IQSEC3: variants seen among roughly 807,000 people sequenced by gnomAD.
IQSEC3 encodes the protein IQ motif and SEC7 domain-containing protein 3.
IQSEC3 carries 50 observed loss-of-function variants against 105.4 expected under a neutral mutation model. The observed-to-expected ratio is 0.47, with a 90% CI of 0.38 to 0.60. The LOEUF (loss-of-function observed/expected upper bound fraction) is 0.60. Among genes scored for constraint, IQSEC3 ranks in the 20% least tolerant of loss-of-function variants. The pLI, the probability that IQSEC3 is intolerant of heterozygous loss-of-function variation, is 0.00. For synonymous variants in IQSEC3, 708 were observed against 746.0 expected, an observed-to-expected ratio of 0.95 and a Z score of 0.83; for missense variants, 1,415 against 1,630.0, an observed-to-expected ratio of 0.87 and a Z score of 2.27.
Position 146,741 on chromosome 12 carries a change from T to G in IQSEC3, c.2153+5456T>G, listed in dbSNP as rs180759166. Reference sequence around the variant, plus strand: ...GAGGGAGGAGGAAGAAAGAGAGAGATAGATAGAGAGAGACAGAGACCCAGT... The same window carrying G: ...GAGGGAGGAGGAAGAAAGAGAGAGAGAGATAGAGAGAGACAGAGACCCAGT... On this transcript the variant is annotated intron_variant, in intron 5 of 13. Coordinates refer to ENST00000538872, the MANE Select transcript of IQSEC3 (RefSeq NM_001170738.2). Among the ~76,000 whole-genome samples, 244 of 150,670 alleles carry G rather than the reference T, an allele frequency of 1.6e-3. 1 individual carries two copies. Among genetic ancestry groups the G allele is most frequent in the African/African-American group, 5.2e-3 (212 of 41,020 alleles).
At chr12:172,191 C>T (rs782232710) in intron 13 of IQSEC3, among the ~76,000 whole-genome samples, 4 of 152,226 alleles carry the variant, frequency 2.6e-5, no homozygotes, top group South Asian at 4.1e-4. Flanking sequence ...CAGGATACCC[C>T]GGGGGAGCTC....
At chr12:165,586 T>C (rs1254322919) in intron 10 of IQSEC3, 53 bp downstream of exon 10, 4 of 1,546,876 alleles carry the variant, frequency 2.6e-6, no homozygotes, top group Non-Finnish European at 3.6e-6. Context: ...ATGGATGAAA[T>C]GGCTGGGGCG....
At chr12:108,799 C>T (rs1163666379) in intron 2 of IQSEC3, among the ~76,000 whole-genome samples, 1 of 152,242 alleles carries the variant, frequency 6.6e-6, no homozygotes, top group African/African-American at 2.4e-5. Context: ...CCTGTGGTGC[C>T]TTCCCTGATG....
chr12:110,094 C>CT, intron 2 of IQSEC3, among the ~76,000 whole-genome samples: 1 of 152,350 alleles, frequency 6.6e-6, no homozygotes, highest in East Asian at 1.9e-4. Flanking sequence ...CAGCTTAACT[C>CT]TTTCTCTCTC....
intron 1 of IQSEC3, among the ~76,000 whole-genome samples, chr12:70,895 G>A (rs559258745): frequency 1.5e-3 from 230 of 152,368 alleles, no homozygotes; most frequent in African/African-American, 5.1e-3. Flanking sequence ...TCTTCTCTCT[G>A]TTACATTGCT....
chr12:160,997 T>C (rs546595569), intron 7 of IQSEC3, among the ~76,000 whole-genome samples: 1 of 152,156 alleles, frequency 6.6e-6, no homozygotes, highest in Non-Finnish European at 1.5e-5. Flanking sequence ...CTCCTTGGTT[T>C]TTCTCACCCG....
Position 138,976 on chromosome 12 carries a change from C to G in IQSEC3, c.1613C>G (p.Pro538Arg), listed in dbSNP as rs1865898020. ...EQGETSGREA[P>R]EAPAVGREDA... ...GGCGAGACCTCTGGGCGGGAGGCCC[C>G]GGAAGCCCCCGCCGTGGGCCGGGAG... is the stretch of plus-strand genomic sequence containing the variant. Residue 538 changes from proline to arginine, a missense_variant, in exon 4 of 14, where the codon CCG becomes CGG. Physicochemically the swap from Pro to Arg is moderately radical, Grantham distance 103. This residue lies in a region of IQSEC3 where 720 missense variants were observed against 633.0 expected (regional missense o/e 1.14). Coordinates refer to ENST00000538872, the MANE Select transcript of IQSEC3 (RefSeq NM_001170738.2). This position sits in a 1 kb window ranked among gnomAD's most constrained non-coding sequence, Gnocchi z 7.1. The G allele has an allele frequency of 1.3e-6, 2 of 1,538,632 alleles. No homozygotes were observed. The highest frequency in any genetic ancestry group is 1.4e-5 in the African/African-American group (1 of 73,070).
chr12:94,782 C>G (rs1371035817), intron 1 of IQSEC3, among the ~76,000 whole-genome samples: 1 of 152,248 alleles, frequency 6.6e-6, no homozygotes, highest in Non-Finnish European at 1.5e-5. Context: ...AGGATCAGAA[C>G]AGAGTCCCCC....
chr12:83,469 G>T (rs1254303599), intron 1 of IQSEC3, among the ~76,000 whole-genome samples: 4 of 152,040 alleles, frequency 2.6e-5, no homozygotes, highest in African/African-American at 9.7e-5. Context: ...CTCACTTAGG[G>T]GGTGGCATCT....
chr12:99,566 G>A (rs1375594033), intron 2 of IQSEC3, among the ~76,000 whole-genome samples: 1 of 152,238 alleles, frequency 6.6e-6, no homozygotes, highest in Non-Finnish European at 1.5e-5. Flanking sequence ...ACACAGTGGT[G>A]TGCGCTCAGC....
intron 2 of IQSEC3, among the ~76,000 whole-genome samples, chr12:107,741 A>G (rs570046866): frequency 6.6e-6 from 1 of 151,808 alleles, no homozygotes; most frequent in South Asian, 2.1e-4. Context: ...CTTTTTGTTT[A>G]TTCTCTGGCA....
Position 157,138 on chromosome 12 carries a change from A to T in IQSEC3, c.2267A>T (p.Glu756Val). Reference protein sequence around the residue: ...GEAQKVERLIEAFSQRYCMCN... With the variant: ...GEAQKVERLIVAFSQRYCMCN... ...GCTCAGAAGGTGGAGCGGCTCATTGAGGCCTTCAGGTAAGGCCGCTTCCCA... is the reference window on the plus strand; with the variant it reads ...GCTCAGAAGGTGGAGCGGCTCATTGTGGCCTTCAGGTAAGGCCGCTTCCCA... Residue 756 changes from glutamate to valine, a missense_variant, in exon 6 of 14, where the codon GAG (glutamate) becomes GTG (valine). This residue lies in a region of IQSEC3 where 213 missense variants were observed against 306.2 expected (regional missense o/e 0.70). Coordinates refer to ENST00000538872, the MANE Select transcript of IQSEC3 (RefSeq NM_001170738.2). 1 of 1,585,414 alleles carries T rather than the reference A, an allele frequency of 6.3e-7. No homozygotes were observed. Among genetic ancestry groups the T allele is most frequent in the Non-Finnish European group, 8.6e-7 (1 of 1,165,756 alleles).
In IQSEC3 at chr12:175,002, G is replaced by A. The variant is rs780720076; in HGVS notation, c.3518G>A (p.Arg1173His). The change falls in exon 14 of 14, where the codon CGC becomes CAC. Residue 1173 changes from arginine (R) to histidine (H), a missense_variant. Transcript: ENST00000538872. ...CPPGSLLHGH[R>H]YSSGSRSLV ...CCAGGCTCCCTGCTGCACGGGCACC[G>A]CTACTCCAGTGGCTCAAGGAGCCTG... The A allele has an allele frequency of 1.9e-5, 26 of 1,358,000 alleles. No individual in the cohort carries two copies. The highest frequency in any genetic ancestry group is 2.9e-4 in the Middle Eastern group (1 of 3,502). The allele number at this position is 1,358,000 out of a possible 1,614,324, so 84.1% of individuals were successfully genotyped here.
intron 1 of IQSEC3, among the ~76,000 whole-genome samples, chr12:76,198 G>T (rs1353204415): frequency 1.3e-5 from 2 of 152,218 alleles, no homozygotes; most frequent in African/African-American, 4.8e-5. Context: ...AAGGAGGCTG[G>T]CATTGTGGCC....
intron 3 of IQSEC3, among the ~76,000 whole-genome samples, chr12:130,404 A>G (rs1204763654): frequency 6.6e-6 from 1 of 152,234 alleles, no homozygotes; most frequent in Non-Finnish European, 1.5e-5. Context: ...AACTTGCCCA[A>G]GGACACAGTC....
intron 13 of IQSEC3, 49 bp downstream of exon 13, chr12:171,210 T>C (rs782595293): frequency 1.2e-6 from 2 of 1,612,976 alleles, no homozygotes; most frequent in Non-Finnish European, 8.5e-7. Flanking sequence ...TGCCCCCTTG[T>C]TCTTCTTCTC....
rs1306701539 is a variant in IQSEC3, at chr12:141,425, C to T, written c.2153+140C>T. The T allele has an allele frequency of 1.2e-5, 11 of 890,368 alleles. 1 individual carries two copies. In the Admixed American group the frequency reaches 1.8e-4, roughly 14 times the overall value. 55.2% of individuals were successfully genotyped at this position (890,368 alleles called of 1,614,324 possible). On this transcript the variant is annotated intron_variant, in intron 5 of 13. Transcript: ENST00000538872. The stretch of plus-strand genomic sequence containing the variant: ...CCAGATTGTCCACAGGAACCAGAAT[C>T]CCCTCTTTAGCCCATCACCCCAGTG...
chr12:117,127 G>A (rs782046899), intron 2 of IQSEC3, among the ~76,000 whole-genome samples: 2 of 152,162 alleles, frequency 1.3e-5, no homozygotes, highest in Non-Finnish European at 2.9e-5. Flanking sequence ...TGAAGAGGCC[G>A]TGGTTCTGCA....
intron 5 of IQSEC3, among the ~76,000 whole-genome samples, chr12:151,503 C>T (rs1255408713): frequency 6.6e-6 from 1 of 152,168 alleles, no homozygotes; most frequent in Non-Finnish European, 1.5e-5. Context: ...TAGCTTGGAC[C>T]TCTGCAGTAG....
Sources: gnomAD v4.1 joint callset for allele counts (sites outside exome capture counted in the v4.1 genomes callset) on GRCh38, gnomAD v4.1.1 for gene constraint, gnomAD v4.1.1 regional missense constraint, Gnocchi (gnomAD v3.1) non-coding constraint, MANE v1.5 for transcripts, NCBI Gene and HGNC (gene_info 2026-07-23, HGNC 2026-07-21) for gene names.